The following RFX2 variants were observed in gnomAD, a reference collection of about 807,000 sequenced individuals.
RFX2 encodes DNA-binding protein RFX2.
RFX2 carries 20 observed loss-of-function variants against 87.8 expected under a neutral mutation model. The observed-to-expected ratio is 0.23, with a 90% CI of 0.16 to 0.33. The LOEUF is 0.33. Ranked by LOEUF, RFX2 falls within the 10% of genes least tolerant of loss-of-function variation. The probability of loss-of-function intolerance (pLI) is 1.00; values close to 1 mark genes in which losing one functional copy is unlikely to be tolerated. For synonymous variants in RFX2, 397 were observed against 431.3 expected (o/e 0.92, Z 0.98); for missense variants, 767 against 1,012.3 (o/e 0.76, Z 3.29).
chr19:6,107,850 G>C (rs996790300), intron 1 of RFX2, among the ~76,000 whole-genome samples: 1 of 151,994 alleles, frequency 6.6e-6, no homozygotes, highest in African/African-American at 2.4e-5. Flanking sequence ...TAAAAGATGA[G>C]TATTTACATT....
rs565950417 is a variant in RFX2, at chr19:5,998,239, C to T, written c.1860-1026G>A. Among the ~76,000 whole-genome samples, 11 of 152,156 alleles carry T rather than the reference C, an allele frequency of 7.2e-5. No homozygotes were observed. Among genetic ancestry groups the T allele is most frequent in the South Asian group, 4.2e-4 (2 of 4,816 alleles). ...AGGAAAATTGCTTGAACCTGGGAGGCGGAGGCTGCAGTGAGCCGAGATCAT... is the reference window on the plus strand; with the variant it reads ...AGGAAAATTGCTTGAACCTGGGAGGTGGAGGCTGCAGTGAGCCGAGATCAT... On this transcript the variant is annotated intron_variant, in intron 15 of 17. Transcript: ENST00000303657. This position sits in a 1 kb window ranked among gnomAD's most constrained non-coding sequence, Gnocchi z 4.2.
intron 7 of RFX2, among the ~76,000 whole-genome samples, chr19:6,014,833 G>T (rs542808652): frequency 6.6e-6 from 1 of 152,164 alleles, no homozygotes; most frequent in Admixed American, 6.5e-5. Flanking sequence ...AAGGGACTCT[G>T]GTCCTCGTGG....
intron 9 of RFX2, 164 bp from the exon 10 acceptor site, chr19:6,008,388 TTG>T: frequency 2.2e-6 from 1 of 464,644 alleles, no homozygotes; most frequent in Non-Finnish European, 3.9e-6. Context: ...TTTTTTTTTT[TTG>T]GAGACAGGGC....
intron 6 of RFX2, among the ~76,000 whole-genome samples, chr19:6,018,491 G>A (rs1219834714): frequency 6.6e-6 from 1 of 152,236 alleles, no homozygotes; most frequent in African/African-American, 2.4e-5. Context: ...CAAAGGTTCA[G>A]GTGAAGGGGT....
At position 6,024,783 on chromosome 19, in the gene RFX2, G is replaced by A. The variant is rs985439112; in HGVS notation, c.597+1380C>T. On this transcript the variant is annotated intron_variant, in intron 6 of 17. Transcript: ENST00000303657. This position sits in a 1 kb window ranked among gnomAD's most constrained non-coding sequence, Gnocchi z 5.0. The stretch of plus-strand genomic sequence containing the variant: ...GTGAGGACGGGATCACGGTGAGGAC[G>A]GGAGTGAGGACGGGATCACGGTGAG... Among the ~76,000 whole-genome samples the A allele has an allele frequency of 3.0e-5, 4 of 132,120 alleles. No homozygotes were observed. The highest frequency in any genetic ancestry group is 2.7e-4 in the South Asian group (1 of 3,700). The allele number at this position is 132,120 out of a possible 152,430, so 86.7% of individuals were successfully genotyped here.
At chr19:6,094,791 T>A (rs76369997) in intron 1 of RFX2, among the ~76,000 whole-genome samples, 2,132 of 152,288 alleles carry the variant, frequency 0.014, 39 homozygotes, top group African/African-American at 0.048. Context: ...TTGGATGAAA[T>A]GTATTATTAA....
In RFX2 at chr19:6,026,276, G is replaced by GA; in HGVS notation, c.523-40_523-39insT. ...GTGCAGAAACAAAACAAAACAAAAT[G>GA]GAAAAAAAAAAAAAGGAAATCAGAT... On this transcript the variant is annotated intron_variant, in intron 5 of 17. Transcript: ENST00000303657. This position sits in a 1 kb window ranked among gnomAD's most constrained non-coding sequence, Gnocchi z 4.5. 2.0e-6 allele frequency: 3 copies of GA among 1,486,720 alleles called. No homozygotes were observed. The highest frequency in any genetic ancestry group is 2.0e-5 in the Admixed American group (1 of 49,694). 92.1% of individuals were successfully genotyped at this position (1,486,720 alleles called of 1,614,324 possible). A position where few individuals can be genotyped will look rare whatever the true frequency, so the allele number is the denominator to read the frequency against.
In RFX2 at chr19:6,088,069, C is replaced by G. The variant is rs533009565; in HGVS notation, c.-9+22324G>C. Among the ~76,000 whole-genome samples, 12 of 152,264 alleles carry G rather than the reference C, an allele frequency of 7.9e-5. No individual in the cohort carries two copies. In the East Asian group the frequency reaches 2.3e-3, roughly 29 times the overall value. On this transcript the variant is annotated intron_variant, in intron 1 of 17. Transcript: ENST00000303657. ...CACCCAGAGCTGCATGTTGGTGAGT[C>G]AGAGACGAGAACAAAGAGGAAGCAA...
chr19:6,002,259 C>T lies in RFX2; in HGVS notation c.1651-236G>A, dbSNP rs145903065. Among the ~76,000 whole-genome samples, 175 of 152,364 alleles carry T rather than the reference C, an allele frequency of 1.1e-3. No homozygotes were observed. Among genetic ancestry groups the T allele is most frequent in the Non-Finnish European group, 2.0e-3 (136 of 68,030 alleles). On this transcript the variant is annotated intron_variant, in intron 14 of 17. Transcript: ENST00000303657. This position sits in a 1 kb window ranked among gnomAD's most constrained non-coding sequence, Gnocchi z 6.7. ...ACCCAGGTCTTTCTGGATCAAAGCT[C>T]ATGCTATATGAGGTCTTTGTTTAGC...
Position 6,063,962 on chromosome 19 carries a change from T to C in RFX2, c.-8-16458A>G, listed in dbSNP as rs1395025557. Among the ~76,000 whole-genome samples the C allele has an allele frequency of 6.6e-6, 1 of 152,106 alleles. No homozygotes were observed. Among genetic ancestry groups the C allele is most frequent in the African/African-American group, 2.4e-5 (1 of 41,418 alleles). On this transcript the variant is annotated intron_variant, in intron 1 of 17. Transcript: ENST00000303657. The surrounding 1 kb of genome is among the most constrained non-coding windows in gnomAD (Gnocchi z 4.0). ...AGCATTTCCAGATTCACCAAACCAC[T>C]CTCCGTGCTTGTCCCCTCAGATTAC...
intron 1 of RFX2, chr19:6,078,212 T>A (rs1196336301): frequency 6.6e-6 from 1 of 151,934 alleles, no homozygotes; most frequent in African/African-American, 2.4e-5. Context: ...CATGGCAGGT[T>A]CAGGGTTTCT....
chr19:6,021,735 G>A lies in RFX2; in HGVS notation c.597+4428C>T, dbSNP rs1047973067. 1.3e-5 allele frequency among the ~76,000 whole-genome samples: 2 copies of A among 152,240 alleles called. No individual in the cohort carries two copies. The highest frequency in any genetic ancestry group is 4.8e-5 in the African/African-American group (2 of 41,462). ...GAGCGGGTCCTGCAGGGCCTTGTGG[G>A]CCATTTTGACAACACTCGGTTCTAC... On this transcript the variant is annotated intron_variant, in intron 6 of 17. Transcript: ENST00000303657. This position sits in a 1 kb window ranked among gnomAD's most constrained non-coding sequence, Gnocchi z 5.7.
In RFX2 at chr19:6,027,006, C is replaced by T. The variant is rs116687809; in HGVS notation, c.523-769G>A. On this transcript the variant is annotated intron_variant, in intron 5 of 17. Coordinates refer to ENST00000303657, the MANE Select transcript of RFX2 (RefSeq NM_000635.4). This position sits in a 1 kb window ranked among gnomAD's most constrained non-coding sequence, Gnocchi z 5.0. ...GCGATGGAGGAGGCACACAGCTGTG[C>T]GTGGCCACTAAGGCATTCGCACGCA... Among the ~76,000 whole-genome samples, 840 of 152,224 alleles carry T rather than the reference C, an allele frequency of 5.5e-3. 5 individuals are homozygous for T. Among genetic ancestry groups the T allele is most frequent in the African/African-American group, 0.018 (755 of 41,522 alleles).
In RFX2 at chr19:6,045,163, C is replaced by G. The variant is rs1167689155; in HGVS notation, c.91-881G>C. ...GGTGATGGGTGAGGACACGCCATCC[C>G]CTGTGTTGCAGGAGTGGAGCTAAGG... On this transcript the variant is annotated intron_variant, in intron 2 of 17. Transcript: ENST00000303657. This position sits in a 1 kb window ranked among gnomAD's most constrained non-coding sequence, Gnocchi z 5.2. Among the ~76,000 whole-genome samples, 1 of 152,132 alleles carries G rather than the reference C, an allele frequency of 6.6e-6. No individual in the cohort carries two copies. Among genetic ancestry groups the G allele is most frequent in the Non-Finnish European group, 1.5e-5 (1 of 68,026 alleles).
intron 1 of RFX2, chr19:6,072,957 T>C (rs1377597892): frequency 4.5e-5 from 32 of 703,354 alleles, no homozygotes; most frequent in South Asian, 3.7e-4. Context: ...ACAATAGGGT[T>C]TGCAGAAGGT....
chr19:6,010,227 G>C lies in RFX2; in HGVS notation c.924C>G (p.Asp308Glu). The change falls in exon 9 of 18, where the codon GAC becomes GAG. Residue 308 changes from aspartate to glutamate, a missense_variant. Asp to Glu is a conservative substitution (Grantham distance 45). Transcript: ENST00000303657. The surrounding 1 kb of genome is among the most constrained non-coding windows in gnomAD (Gnocchi z 5.0). Reference protein sequence around the residue: ...KPRYRPAQKTDSLGDSGSHSG... With the variant: ...KPRYRPAQKTESLGDSGSHSG... ...TGTGGGAGCCGCTGTCCCCGAGGCT[G>C]TCCGTCTTCTGGGCTGGCCGGTACC... 6.5e-7 allele frequency: 1 copy of C among 1,547,878 alleles called. No homozygotes were observed. Among genetic ancestry groups the C allele is most frequent in the Non-Finnish European group, 8.7e-7 (1 of 1,146,888 alleles).
chr19:6,072,839 C>A (rs2087628756), intron 1 of RFX2: 2 of 1,286,368 alleles, frequency 1.6e-6, no homozygotes, highest in South Asian at 1.2e-5. Flanking sequence ...GCCCTCAGAC[C>A]CCTCGTGAAG....
intron 1 of RFX2, among the ~76,000 whole-genome samples, chr19:6,082,814 G>A (rs969095786): frequency 9.9e-5 from 15 of 152,224 alleles, no homozygotes; most frequent in African/African-American, 3.6e-4. Context: ...ACAGTAGGAG[G>A]AGTGAGTGTG....
Position 6,017,666 on chromosome 19 carries a change from G to A in RFX2, c.598-1395C>T, listed in dbSNP as rs547359653. Among the ~76,000 whole-genome samples the A allele has an allele frequency of 2.0e-5, 3 of 152,254 alleles. No individual in the cohort carries two copies. The highest frequency in any genetic ancestry group is 6.5e-5 in the Admixed American group (1 of 15,306). On this transcript the variant is annotated intron_variant, in intron 6 of 17. Transcript: ENST00000303657. The surrounding 1 kb of genome is among the most constrained non-coding windows in gnomAD (Gnocchi z 4.1). ...AGCTGCTTTGTCTAGGCTGAGCCCCGCTTCCAGAGCTCCGAAGGGCTCCTG... is the reference window on the plus strand; with the variant it reads ...AGCTGCTTTGTCTAGGCTGAGCCCCACTTCCAGAGCTCCGAAGGGCTCCTG...
Sources: allele counts gnomAD v4.1 joint callset (sites outside exome capture counted in the v4.1 genomes callset), GRCh38; gene constraint gnomAD v4.1.1; non-coding constraint Gnocchi (gnomAD v3.1); transcripts MANE v1.5; gene names NCBI Gene and HGNC (gene_info 2026-07-23, HGNC 2026-07-21).